Variants in PCSK5 observed in about 807,000 individuals in gnomAD.
PCSK5 encodes proprotein convertase subtilisin/kexin type 5, also known as prohormone convertase 5.
In PCSK5, 129 loss-of-function variants were observed where a neutral mutation model predicts 233.2. That is an observed-to-expected ratio of 0.55 (90% CI 0.48 to 0.64). PCSK5 has a LOEUF of 0.64. Ranked by LOEUF, PCSK5 falls within the 30% of genes least tolerant of loss-of-function variation. The pLI is 0.00. For missense variants in PCSK5, 2,076 were observed against 2,430.1 expected, an observed-to-expected ratio of 0.85 and a Z score of 3.06; for synonymous variants, 825 against 879.2, an observed-to-expected ratio of 0.94 and a Z score of 1.09.
chr9:76,186,646 A>G (rs1291897243), intron 17 of PCSK5, among the ~76,000 whole-genome samples: 2 of 152,066 alleles, frequency 1.3e-5, no homozygotes, highest in Non-Finnish European at 2.9e-5. Context: ...TTCCTTCTCC[A>G]TACAGTGCAA....
At chr9:76,073,163 A>G (rs10512053) in intron 7 of PCSK5, among the ~76,000 whole-genome samples, 16,011 of 152,270 alleles carry the variant, frequency 0.11, 1,268 homozygotes, top group East Asian at 0.36. Context: ...AGATACTTAC[A>G]GTGGAATGCA....
chr9:76,287,138 G>C (rs376378503), intron 24 of PCSK5: 41 of 163,416 alleles, frequency 2.5e-4, no homozygotes, highest in Admixed American at 6.7e-4. Context: ...AAGCTTATCT[G>C]CTACACGGTC....
chr9:75,979,609 G>A (rs748850231), intron 2 of PCSK5, among the ~76,000 whole-genome samples: 5 of 152,206 alleles, frequency 3.3e-5, no homozygotes, highest in Admixed American at 2.0e-4. Context: ...ATAGGCATCT[G>A]TAGCTCATGG....
chr9:76,241,992 G>A (rs2131331719), intron 24 of PCSK5, among the ~76,000 whole-genome samples: 1 of 152,310 alleles, frequency 6.6e-6, no homozygotes, highest in South Asian at 2.1e-4. Flanking sequence ...TGAGGCTAAT[G>A]CTGTTCTATA....
At chr9:76,179,501 A>G (rs1823753137) in intron 14 of PCSK5, 95 bp from the exon 15 acceptor site, 3 of 658,642 alleles carry the variant, frequency 4.6e-6, no homozygotes, top group South Asian at 4.2e-5. Context: ...TCTGCATAAG[A>G]AAAAAAAAAG....
intron 9 of PCSK5, among the ~76,000 whole-genome samples, chr9:76,128,113 A>G (rs1315521858): frequency 6.6e-6 from 1 of 152,206 alleles, no homozygotes; most frequent in African/African-American, 2.4e-5. Flanking sequence ...TAATTTATAC[A>G]TGCTAAGTCC....
At chr9:76,194,603 GTTTTTTTT>G (rs201037106) in intron 20 of PCSK5, 1 of 271,256 alleles carries the variant, frequency 3.7e-6, no homozygotes, top group Non-Finnish European at 7.4e-6. Context: ...GTTTTTTGGG[GTTTTTTTT>G]TTTTAAGAAA....
intron 12 of PCSK5, among the ~76,000 whole-genome samples, chr9:76,166,836 C>A (rs1303653321): frequency 6.6e-6 from 1 of 152,188 alleles, no homozygotes; most frequent in Admixed American, 6.5e-5. Context: ...TTCCCTTTAA[C>A]AACATCTCTC....
intron 5 of PCSK5, among the ~76,000 whole-genome samples, chr9:76,051,315 G>A (rs1366071579): frequency 1.3e-5 from 2 of 152,072 alleles, no homozygotes; most frequent in Non-Finnish European, 2.9e-5. Context: ...AATATTCCCC[G>A]CCAAGACTGT....
At chr9:76,086,769 C>T (rs1489185995) in intron 7 of PCSK5, among the ~76,000 whole-genome samples, 1 of 152,080 alleles carries the variant, frequency 6.6e-6, no homozygotes, top group Admixed American at 6.6e-5. Flanking sequence ...CCAGCCTAGC[C>T]TCTAACTGGC....
At chr9:76,086,419 A>G (rs73456404) in intron 7 of PCSK5, among the ~76,000 whole-genome samples, 7,743 of 152,246 alleles carry the variant, frequency 0.051, 258 homozygotes, top group African/African-American at 0.097. Flanking sequence ...GGCTCAAAGC[A>G]TGGAGGATGT....
intron 5 of PCSK5, among the ~76,000 whole-genome samples, chr9:76,039,977 A>C (rs1446845032): frequency 6.6e-6 from 1 of 152,256 alleles, no homozygotes; most frequent in Non-Finnish European, 1.5e-5. Context: ...TCAAGCAAGG[A>C]GGAGCCATCA....
chr9:76,041,697 A>G (rs1471089870), intron 5 of PCSK5, among the ~76,000 whole-genome samples: 6 of 151,698 alleles, frequency 4.0e-5, no homozygotes, highest in Non-Finnish European at 1.5e-5. Flanking sequence ...AAAATTAGCC[A>G]GGTGTGGTGG....
chr9:75,944,221 A>G (rs1824457931), intron 2 of PCSK5, among the ~76,000 whole-genome samples: 1 of 150,834 alleles, frequency 6.6e-6, no homozygotes, highest in African/African-American at 2.4e-5. Context: ...ATATATATAA[A>G]TAAAGTTTTA....
intron 13 of PCSK5, among the ~76,000 whole-genome samples, chr9:76,172,578 G>A (rs1000367087): frequency 1.3e-5 from 2 of 152,012 alleles, no homozygotes; most frequent in Non-Finnish European, 2.9e-5. Context: ...GCACTTAGAG[G>A]GTAAACTTTT....
chr9:76,003,129 C>G (rs1210833175), intron 3 of PCSK5, among the ~76,000 whole-genome samples: 1 of 152,116 alleles, frequency 6.6e-6, no homozygotes, highest in East Asian at 1.9e-4. Flanking sequence ...CAGAGGACTA[C>G]GAGGCTATGG....
At chr9:76,132,458 AT>A in intron 9 of PCSK5, among the ~76,000 whole-genome samples, 1 of 152,162 alleles carries the variant, frequency 6.6e-6, no homozygotes, top group South Asian at 2.1e-4. Flanking sequence ...TTTTGTTGAT[AT>A]AACTTTACCA....
chr9:76,277,026 G>A (rs1226616778), intron 24 of PCSK5, among the ~76,000 whole-genome samples: 3 of 152,014 alleles, frequency 2.0e-5, no homozygotes, highest in Non-Finnish European at 4.4e-5. Flanking sequence ...TCAAGAGTTC[G>A]AGACCAACCT....
chr9:76,073,172 C>T (rs1265541252), intron 7 of PCSK5, among the ~76,000 whole-genome samples: 2 of 152,172 alleles, frequency 1.3e-5, no homozygotes, highest in African/African-American at 2.4e-5. Context: ...CAGTGGAATG[C>T]ATTGTTGATT....
Sources: allele counts gnomAD v4.1 joint callset (sites outside exome capture counted in the v4.1 genomes callset), GRCh38; gene constraint gnomAD v4.1.1; transcripts MANE v1.5; gene names NCBI Gene and HGNC (gene_info 2026-07-23, HGNC 2026-07-21).